The following VAC14 variants were observed in gnomAD, a reference collection of about 807,000 sequenced individuals.
VAC14 encodes protein VAC14 homolog.
VAC14 carries 47 observed loss-of-function variants against 85.3 expected under a neutral mutation model. The observed-to-expected ratio is 0.55, with a 90% CI of 0.44 to 0.70. The LOEUF (loss-of-function observed/expected upper bound fraction) is 0.70, where lower values mean the gene tolerates loss of function less well. Among genes scored for constraint, VAC14 ranks in the 30% least tolerant of loss-of-function variants. The pLI, the probability that VAC14 is intolerant of heterozygous loss-of-function variation, is 0.00. For missense variants in VAC14, 861 were observed against 1,004.3 expected, an observed-to-expected ratio of 0.86 and a Z score of 1.93; for synonymous variants, 447 against 430.5, an observed-to-expected ratio of 1.04 and a Z score of -0.47.
chr16:70,771,842 AAGTGC>A, intron 10 of VAC14: 1 of 403,634 alleles, frequency 2.5e-6, no homozygotes, highest in Non-Finnish European at 4.5e-6. Context: ...TGGCCTCCCC[AAGTGC>A]TGGGATTAGA....
chr16:70,766,302 C>T (rs374702695), intron 10 of VAC14: 21 of 359,462 alleles, frequency 5.8e-5, no homozygotes, highest in African/African-American at 3.8e-4. Flanking sequence ...CTCACAGTGG[C>T]CCTAAGATGC....
intron 13 of VAC14, among the ~76,000 whole-genome samples, chr16:70,739,717 C>G (rs2030074602): frequency 6.6e-6 from 1 of 152,226 alleles, no homozygotes; most frequent in African/African-American, 2.4e-5. Flanking sequence ...TGACCTCAGC[C>G]AGTGCTGGCA....
intron 12 of VAC14, among the ~76,000 whole-genome samples, chr16:70,756,877 ATGGG>A (rs1272506877): frequency 6.6e-6 from 1 of 152,166 alleles, no homozygotes; most frequent in Non-Finnish European, 1.5e-5. Flanking sequence ...AGTGGGTGTG[ATGGG>A]TGGCCCATGT....
chr16:70,720,524 G>A lies in VAC14; in HGVS notation c.1661+10971C>T, dbSNP rs574355382. On this transcript the variant is annotated intron_variant, in intron 14 of 18. Coordinates refer to ENST00000261776, the MANE Select transcript of VAC14 (RefSeq NM_018052.5). ...GAAAACAAGACAGTGTCTCGGGCAC[G>A]GTGGAGCTTCCAAGGCACCTTTCTC... 7.5e-4 allele frequency among the ~76,000 whole-genome samples: 115 copies of A among 152,324 alleles called. 1 individual carries two copies. The highest frequency in any genetic ancestry group is 2.5e-3 in the African/African-American group (106 of 41,578).
At chr16:70,709,208 G>A (rs1186483696) in intron 14 of VAC14, among the ~76,000 whole-genome samples, 1 of 152,204 alleles carries the variant, frequency 6.6e-6, no homozygotes, top group Non-Finnish European at 1.5e-5. Flanking sequence ...CGGCACAGAT[G>A]AGAGGCCTTG....
intron 9 of VAC14, among the ~76,000 whole-genome samples, chr16:70,780,439 A>T (rs1001650849): frequency 5.3e-5 from 8 of 152,240 alleles, no homozygotes; most frequent in African/African-American, 1.9e-4. Context: ...TCCTGCCCTG[A>T]AAACAACTCT....
At chr16:70,745,512 T>C (rs866014839) in intron 12 of VAC14, among the ~76,000 whole-genome samples, 1 of 144,874 alleles carries the variant, frequency 6.9e-6, no homozygotes. Context: ...TGTGTGTGTG[T>C]GTGTGTGCGC....
intron 18 of VAC14, 116 bp from the exon 19 acceptor site, chr16:70,688,206 G>A (rs1312189892): frequency 2.0e-5 from 27 of 1,343,274 alleles, no homozygotes; most frequent in East Asian, 8.4e-5. Flanking sequence ...GCCTGTGGGC[G>A]TCTGTCTCAG....
At chr16:70,765,711 C>T (rs2032754420) in intron 10 of VAC14, among the ~76,000 whole-genome samples, 1 of 152,168 alleles carries the variant, frequency 6.6e-6, no homozygotes, top group Admixed American at 6.5e-5. Flanking sequence ...GGTGGCATCG[C>T]CTCCACTGTA....
intron 10 of VAC14, chr16:70,769,401 G>C (rs1022664598): frequency 2.6e-5 from 4 of 152,434 alleles, no homozygotes; most frequent in Non-Finnish European, 4.4e-5. Context: ...CCGTGTCCAA[G>C]CTCAGTCTCA....
intron 1 of VAC14, among the ~76,000 whole-genome samples, chr16:70,791,725 A>G (rs915678097): frequency 1.3e-5 from 2 of 152,280 alleles, no homozygotes; most frequent in South Asian, 2.1e-4. Context: ...GACTGGCACC[A>G]TGTGTCTGCA....
intron 18 of VAC14, 141 bp from the exon 19 acceptor site, chr16:70,688,231 C>T: frequency 7.7e-7 from 1 of 1,294,194 alleles, no homozygotes; most frequent in Non-Finnish European, 9.8e-7. Context: ...GGCAACTCTT[C>T]CGTCATGGCG....
Position 70,777,151 on chromosome 16 carries a change from G to A in VAC14, c.1096+3639C>T, listed in dbSNP as rs536785482. 2.0e-5 allele frequency among the ~76,000 whole-genome samples: 3 copies of A among 151,844 alleles called. 1 individual carries two copies. Among genetic ancestry groups the A allele is most frequent in the African/African-American group, 7.2e-5 (3 of 41,380 alleles). ...GTAGAGACGGGGTTTCACCATGTTGGCCAGGCTGGTCTCGAACTCTTGACC... is the reference window on the plus strand; with the variant it reads ...GTAGAGACGGGGTTTCACCATGTTGACCAGGCTGGTCTCGAACTCTTGACC... On this transcript the variant is annotated intron_variant, in intron 9 of 18. Coordinates refer to ENST00000261776, the MANE Select transcript of VAC14 (RefSeq NM_018052.5).
rs181006149 is a variant in VAC14, at chr16:70,794,169, A to C, written c.104+6628T>G. 3.9e-5 allele frequency among the ~76,000 whole-genome samples: 6 copies of C among 152,362 alleles called. No homozygotes were observed. In the East Asian group the frequency reaches 1.2e-3, roughly 29 times the overall value. ...TCACATACCATAAATTCACTCTTTT[A>C]GAGTGTAGGTGTCAGCAGCCTTTTG... On this transcript the variant is annotated intron_variant, in intron 1 of 18. Coordinates refer to ENST00000261776, the MANE Select transcript of VAC14 (RefSeq NM_018052.5).
intron 1 of VAC14, among the ~76,000 whole-genome samples, chr16:70,799,452 C>T (rs770829298): frequency 1.3e-5 from 2 of 152,076 alleles, no homozygotes; most frequent in South Asian, 2.1e-4. Flanking sequence ...TATCAAGGTC[C>T]GAACCCTTTA....
Position 70,781,865 on chromosome 16 carries a change from A to G in VAC14, c.946+4T>C. On this transcript the variant is annotated splice_donor_region_variant and intron_variant, in intron 8 of 18. Transcript: ENST00000261776. ...CAATTATTCTCTCCCAAAGCAAAGG[A>G]TACTTTTCTTGCGGTCATCGTAGGC... 1.2e-6 allele frequency: 2 copies of G among 1,613,820 alleles called. No homozygotes were observed. Among genetic ancestry groups the G allele is most frequent in the Middle Eastern group, 1.7e-4 (1 of 6,058 alleles).
intron 14 of VAC14, among the ~76,000 whole-genome samples, chr16:70,727,641 G>A (rs138729658): frequency 1.4e-4 from 22 of 152,320 alleles, no homozygotes; most frequent in African/African-American, 5.1e-4. Context: ...CCCAGCCAAC[G>A]ATGCCCCTCT....
chr16:70,724,855 C>T (rs2054382573), intron 14 of VAC14, among the ~76,000 whole-genome samples: 1 of 152,228 alleles, frequency 6.6e-6, no homozygotes, highest in Admixed American at 6.5e-5. Context: ...CTGTCTCCCT[C>T]CCCTCAGCTG....
At chr16:70,690,217 C>T (rs183324669) in intron 18 of VAC14, 63 of 985,426 alleles carry the variant, frequency 6.4e-5, no homozygotes, top group Non-Finnish European at 4.0e-5. Context: ...ATGGGCAGAC[C>T]CTTCCTGGCC....
Sources: allele counts gnomAD v4.1 joint callset (sites outside exome capture counted in the v4.1 genomes callset), GRCh38; gene constraint gnomAD v4.1.1; transcripts MANE v1.5; gene names NCBI Gene and HGNC (gene_info 2026-07-23, HGNC 2026-07-21).